The following TUB variants were observed in gnomAD, a reference collection of about 807,000 sequenced individuals.
TUB encodes tubby protein homolog.
TUB carries 33 observed loss-of-function variants against 59.7 expected under a neutral mutation model. That is an observed-to-expected ratio of 0.55 (90% CI 0.42 to 0.74). The LOEUF (loss-of-function observed/expected upper bound fraction) is 0.74. TUB is among the 30% of genes least tolerant of loss of function. The pLI, the probability that TUB is intolerant of heterozygous loss-of-function variation, is 0.00. For missense variants in TUB, 659 were observed against 672.0 expected (o/e 0.98, Z 0.21); for synonymous variants, 293 against 256.4 (o/e 1.14, Z -1.36).
At chr11:8,057,311 G>A (rs1328162463) in intron 2 of TUB, among the ~76,000 whole-genome samples, 1 of 152,166 alleles carries the variant, frequency 6.6e-6, no homozygotes, top group East Asian at 1.9e-4. Flanking sequence ...GGACCAAACC[G>A]AGGGTCAGCT....
chr11:8,081,449 C>A lies in TUB; in HGVS notation c.-62C>A. 7.3e-7 allele frequency: 1 copy of A among 1,362,826 alleles called. No individual in the cohort carries two copies. The highest frequency in any genetic ancestry group is 1.6e-5 in the South Asian group (1 of 63,932). The allele number at this position is 1,362,826 out of a possible 1,614,324, so 84.4% of individuals were successfully genotyped here. On this transcript the variant is annotated 5_prime_UTR_variant, in exon 1 of 12. Coordinates refer to ENST00000299506, the MANE Select transcript of TUB (RefSeq NM_177972.3). Reference sequence around the variant, plus strand: ...CGGCCCGGGAGCTGAGCAGGGCCCCCGCGCCGGCCCCTCCGGGCCCCGGCC... The same window carrying A: ...CGGCCCGGGAGCTGAGCAGGGCCCCAGCGCCGGCCCCTCCGGGCCCCGGCC...
intron 11 of TUB, 99 bp downstream of exon 11, chr11:8,101,096 T>C: frequency 7.1e-7 from 1 of 1,399,424 alleles, no homozygotes; most frequent in South Asian, 1.3e-5. Flanking sequence ...GGCTAGAGTT[T>C]AAGAATGTGA....
At chr11:8,095,391 T>C (rs1177747595) in intron 4 of TUB, 107 bp from the exon 5 acceptor site, 2 of 1,219,450 alleles carry the variant, frequency 1.6e-6, no homozygotes, top group Non-Finnish European at 2.3e-6. Context: ...AATAAAGTTT[T>C]GCAGAGGGTT....
intron 8 of TUB, 95 bp downstream of exon 8, chr11:8,097,921 G>C (rs1474570668): frequency 2.2e-6 from 2 of 891,156 alleles, no homozygotes; most frequent in Non-Finnish European, 3.6e-6. Context: ...AGGAGATCTA[G>C]GCCAGGGATG....
chr11:8,074,833 G>A lies in TUB; in HGVS notation c.204-14777G>A, dbSNP rs573949701. Among the ~76,000 whole-genome samples, 8 of 125,158 alleles carry A rather than the reference G, an allele frequency of 6.4e-5. No homozygotes were observed. In the South Asian group the frequency reaches 1.1e-3, roughly 18 times the overall value. 82.1% of individuals were successfully genotyped at this position (125,158 alleles called of 152,430 possible). A position where few individuals can be genotyped will look rare whatever the true frequency, so the allele number is the denominator to read the frequency against. ...ACAATCTTGGCTCACTACAACCTCC[G>A]CCTCCCGGGTTCAAGTGATTCTCCT... On this transcript the variant is annotated intron_variant, in intron 2 of 12. Transcript: ENST00000305253.
At chr11:8,079,625 C>G (rs752725489), upstream of TUB, among the ~76,000 whole-genome samples, 1 of 151,950 alleles carries the variant, frequency 6.6e-6, no homozygotes, top group East Asian at 1.9e-4. Context: ...GTCCTGAGCT[C>G]CAGAAGCCTG....
intron 2 of TUB, among the ~76,000 whole-genome samples, chr11:8,049,721 G>A (rs146360296): frequency 0.018 from 2,724 of 151,730 alleles, 28 homozygotes; most frequent in Non-Finnish European, 0.025. Flanking sequence ...ATTCATTGTA[G>A]TAAATTTGGA....
intron 1 of TUB, among the ~76,000 whole-genome samples, chr11:8,028,411 C>A (rs185145689): frequency 7.2e-5 from 11 of 152,240 alleles, no homozygotes; most frequent in African/African-American, 1.9e-4. Context: ...TTGATAAGGT[C>A]CTTTGAAGCA....
upstream of TUB, among the ~76,000 whole-genome samples, chr11:8,080,530 C>T (rs544370574): frequency 6.6e-6 from 1 of 152,294 alleles, no homozygotes; most frequent in South Asian, 2.1e-4. Flanking sequence ...AGTTTCAGCT[C>T]CACCACTTCC....
chr11:8,062,826 C>T (rs1449325431), intron 2 of TUB, among the ~76,000 whole-genome samples: 1 of 152,040 alleles, frequency 6.6e-6, no homozygotes, highest in African/African-American at 2.4e-5. Flanking sequence ...TCTTGGCGGA[C>T]ACCTACCCGG....
At position 8,105,850 on chromosome 11, in the gene TUB, A is replaced by AGAGT. The variant is rs768798848; in HGVS notation, c.*4232_*4235dup. 1.3e-5 allele frequency: 2 copies of AGAGT among 152,148 alleles called. No individual in the cohort carries two copies. Among genetic ancestry groups the AGAGT allele is most frequent in the African/African-American group, 2.4e-5 (1 of 41,446 alleles). 9.4% of individuals were successfully genotyped at this position (152,148 alleles called of 1,614,324 possible). On this transcript the variant is annotated 3_prime_UTR_variant, in exon 12 of 12. Transcript: ENST00000299506. ...AAAGCTGGAGATGAGGCTGAGATCCAGAGTTTCCTAGAACGCAACTTAGGA... is the reference window on the plus strand; with the variant it reads ...AAAGCTGGAGATGAGGCTGAGATCCAGAGTGAGTTTCCTAGAACGCAACTTAGGA...
intron 3 of TUB, among the ~76,000 whole-genome samples, chr11:8,091,413 G>A (rs1943772901): frequency 6.6e-6 from 1 of 152,170 alleles, no homozygotes; most frequent in South Asian, 2.1e-4. Context: ...TAAGTACAGT[G>A]CTAGAGGCTT....
At chr11:8,064,380 G>C (rs1943195495) in intron 2 of TUB, among the ~76,000 whole-genome samples, 1 of 152,176 alleles carries the variant, frequency 6.6e-6, no homozygotes, top group African/African-American at 2.4e-5. Flanking sequence ...TGTGGCCATA[G>C]GGATAAACCA....
At chr11:8,076,788 T>C (rs1176198067), upstream of TUB, 1 of 152,244 alleles carries the variant, frequency 6.6e-6, no homozygotes, top group Non-Finnish European at 1.5e-5. Context: ...CATTTTATGT[T>C]TCCTGTAGAT....
At position 8,100,842 on chromosome 11, in the gene TUB, T is replaced by A. The variant is rs200239459; in HGVS notation, c.1232T>A (p.Leu411Gln). Residue 411 changes from leucine to glutamine, a missense_variant, in exon 11 of 12, where the codon CTA becomes CAA. By Grantham distance (113) the Leu-to-Gln change is moderately radical (BLOSUM62 -2). This residue lies in a region of TUB where 226 missense variants were observed against 210.8 expected (regional missense o/e 1.07). Coordinates refer to ENST00000299506, the MANE Select transcript of TUB (RefSeq NM_177972.3). ...IRPRNEHETL[L>Q]ARWQNKNTES... ...CCCTCCCAGGAGCATGAGACACTGCTAGCACGCTGGCAGAATAAGAACACG... is the reference window on the plus strand; with the variant it reads ...CCCTCCCAGGAGCATGAGACACTGCAAGCACGCTGGCAGAATAAGAACACG... 8.2e-5 allele frequency: 133 copies of A among 1,614,146 alleles called. No homozygotes were observed. The highest frequency in any genetic ancestry group is 1.0e-4 in the Non-Finnish European group (120 of 1,180,026).
chr11:8,101,856 G>GGCGTC lies in TUB; in HGVS notation c.*237_*238insGCGTC. 1 of 482,864 alleles carries GGCGTC rather than the reference G, an allele frequency of 2.1e-6. No homozygotes were observed. The highest frequency in any genetic ancestry group is 3.4e-6 in the Non-Finnish European group (1 of 295,356). 29.9% of individuals were successfully genotyped at this position (482,864 alleles called of 1,614,324 possible). On this transcript the variant is annotated 3_prime_UTR_variant, in exon 12 of 12. Transcript: ENST00000299506. Reference sequence around the variant, plus strand: ...AAGGGATGAGAATAATTCTTTCCATGCCACGAGATCAACACACACTCCCAC... The same window carrying GGCGTC: ...AAGGGATGAGAATAATTCTTTCCATGGCGTCCCACGAGATCAACACACACTCCCAC...
intron 4 of TUB, among the ~76,000 whole-genome samples, chr11:8,095,168 C>G (rs1943930675): frequency 6.6e-6 from 1 of 152,182 alleles, no homozygotes; most frequent in Admixed American, 6.5e-5. Context: ...TGCCTATGGT[C>G]TGGATCAGTC....
chr11:8,097,208 C>A lies in TUB; in HGVS notation c.688-20C>A. 1 of 1,613,482 alleles carries A rather than the reference C, an allele frequency of 6.2e-7. No individual in the cohort carries two copies. The highest frequency in any genetic ancestry group is 8.5e-7 in the Non-Finnish European group (1 of 1,179,902). ...GCTTAGGGTCCTTGGGGCTCAGGCA[C>A]CTATTCTGCATCCCCATAGGAGGCA... On this transcript the variant is annotated intron_variant, in intron 6 of 11. Coordinates refer to ENST00000299506, the MANE Select transcript of TUB (RefSeq NM_177972.3).
At chr11:8,075,841 G>A (rs1943439939) in intron 2 of TUB, 1 of 152,312 alleles carries the variant, frequency 6.6e-6, no homozygotes, top group African/African-American at 2.4e-5. Flanking sequence ...GTCCAAGGTG[G>A]AGGGGCAGGT....
Sources: allele counts gnomAD v4.1 joint callset (sites outside exome capture counted in the v4.1 genomes callset), GRCh38; gene constraint gnomAD v4.1.1; regional missense constraint gnomAD v4.1.1; transcripts MANE v1.5; gene names NCBI Gene and HGNC (gene_info 2026-07-23, HGNC 2026-07-21).